The following ADD2 variants were observed in gnomAD, a reference collection of about 807,000 sequenced individuals.
ADD2 encodes adducin 2, also known as beta-adducin.
Under a neutral mutation model 83.0 loss-of-function variants are expected in ADD2, and 23 were observed. The ratio of observed to expected loss-of-function variants is 0.28; its 90% CI spans 0.20 to 0.39. The LOEUF (loss-of-function observed/expected upper bound fraction) is 0.39, where lower values mean the gene tolerates loss of function less well. Among genes scored for constraint, ADD2 ranks in the 10% least tolerant of loss-of-function variants. The probability of loss-of-function intolerance (pLI) is 1.00; values close to 1 mark genes in which losing one functional copy is unlikely to be tolerated. For missense variants in ADD2, 758 were observed against 944.9 expected, an observed-to-expected ratio of 0.80 and a Z score of 2.59; for synonymous variants, 375 against 375.4, an observed-to-expected ratio of 1.00 and a Z score of 0.01.
intron 7 of ADD2, 120 bp from the exon 8 acceptor site, chr2:70,691,049 G>A: frequency 3.1e-6 from 4 of 1,273,568 alleles, no homozygotes; most frequent in Non-Finnish European, 4.2e-6. Context: ...TGAGGGGTGA[G>A]GTTGGGGAGC....
At chr2:70,683,449 A>G in intron 10 of ADD2, 142 bp downstream of exon 10, 1 of 946,924 alleles carries the variant, frequency 1.1e-6, no homozygotes, top group Non-Finnish European at 1.6e-6. Context: ...CACATTCTAA[A>G]TCAAATTTCC....
chr2:70,716,439 C>G (rs1342026953), intron 1 of ADD2, among the ~76,000 whole-genome samples: 4 of 152,102 alleles, frequency 2.6e-5, no homozygotes, highest in Non-Finnish European at 5.9e-5. Flanking sequence ...TTTCATGTGT[C>G]CTCTCCTCTG....
intron 10 of ADD2, among the ~76,000 whole-genome samples, chr2:70,683,022 CT>C (rs35087942): frequency 0.013 from 1,660 of 124,480 alleles, 14 homozygotes; most frequent in African/African-American, 0.046. Context: ...GGAGTATGAC[CT>C]TTTTTTTTTT....
At chr2:70,696,591 T>C (rs1671326590) in intron 4 of ADD2, among the ~76,000 whole-genome samples, 195 bp from the exon 5 acceptor site, 1 of 152,190 alleles carries the variant, frequency 6.6e-6, no homozygotes, top group Admixed American at 6.5e-5. Context: ...AGTCTGCTCA[T>C]TCAGATAAAC....
intron 1 of ADD2, among the ~76,000 whole-genome samples, chr2:70,737,533 C>T (rs1208226257): frequency 7.5e-6 from 1 of 132,482 alleles, no homozygotes; most frequent in Non-Finnish European, 1.5e-5. Context: ...AATGAGAACA[C>T]TTGGACACAG....
At chr2:70,726,765 C>T (rs1673022733) in intron 1 of ADD2, among the ~76,000 whole-genome samples, 1 of 152,166 alleles carries the variant, frequency 6.6e-6, no homozygotes, top group African/African-American at 2.4e-5. Flanking sequence ...AGAGGAGAGG[C>T]CCCTGGCATG....
intron 1 of ADD2, among the ~76,000 whole-genome samples, chr2:70,765,032 G>A (rs900309166): frequency 2.0e-5 from 3 of 151,868 alleles, no homozygotes; most frequent in Admixed American, 6.6e-5. Flanking sequence ...TGTCACATTA[G>A]GAAAAAGTTC....
chr2:70,754,463 T>C (rs1674670180), intron 1 of ADD2, among the ~76,000 whole-genome samples: 1 of 151,912 alleles, frequency 6.6e-6, no homozygotes, highest in Non-Finnish European at 1.5e-5. Context: ...CTCTATCTAT[T>C]TCCACTCCTT....
At chr2:70,673,043 A>G in intron 14 of ADD2, 37 bp from the exon 15 acceptor site, 1 of 1,597,192 alleles carries the variant, frequency 6.3e-7, no homozygotes, top group Non-Finnish European at 8.5e-7. Flanking sequence ...ATAGAGGTCA[A>G]ATAGAGAAGA....
At chr2:70,665,216 G>A (rs782080139) in intron 15 of ADD2, among the ~76,000 whole-genome samples, 1 of 152,140 alleles carries the variant, frequency 6.6e-6, no homozygotes. Context: ...GTTACATGGA[G>A]GATGGGACAG....
chr2:70,767,907 A>G lies in ADD2; in HGVS notation c.-175T>C, dbSNP rs1438552552. ...TTACCTCCTGCGCGGCATCTTAGCT[A>G]TCTCCGGTCGGCCACTGCGGGTTGG... On this transcript the variant is annotated 5_prime_UTR_variant, in exon 1 of 16. Transcript: ENST00000264436. The G allele has an allele frequency of 6.5e-7, 1 of 1,535,520 alleles. No homozygotes were observed. The highest frequency in any genetic ancestry group is 2.4e-5 in the East Asian group (1 of 40,852).
chr2:70,761,731 G>A lies in ADD2; in HGVS notation c.-154+6155C>T, dbSNP rs530023661. ...CTGTTGCTCAGGCTGGAGTGCAGTGGTGCAATCTCGGCTCACTGCAAGCTC... is the reference window on the plus strand; with the variant it reads ...CTGTTGCTCAGGCTGGAGTGCAGTGATGCAATCTCGGCTCACTGCAAGCTC... On this transcript the variant is annotated intron_variant, in intron 1 of 15. Transcript: ENST00000264436. Among the ~76,000 whole-genome samples the A allele has an allele frequency of 5.3e-5, 8 of 150,508 alleles. No individual in the cohort carries two copies. The South Asian group carries it at 8.4e-4, about 16-fold the overall frequency.
At chr2:70,734,777 C>T (rs374762099) in intron 1 of ADD2, among the ~76,000 whole-genome samples, 14 of 152,288 alleles carry the variant, frequency 9.2e-5, no homozygotes, top group East Asian at 3.9e-4. Context: ...TTCCCCAAGC[C>T]GACCACCTCT....
chr2:70,720,813 A>C (rs1672697551), intron 1 of ADD2, among the ~76,000 whole-genome samples: 1 of 152,198 alleles, frequency 6.6e-6, no homozygotes, highest in Non-Finnish European at 1.5e-5. Flanking sequence ...TAGGGAATGT[A>C]AGCCAGCAGA....
rs1671930183 is a variant in ADD2, at chr2:70,706,781, T to TTGA, written c.-34-340_-34-339insTCA. Among the ~76,000 whole-genome samples the TTGA allele has an allele frequency of 6.6e-6, 1 of 152,196 alleles. No homozygotes were observed. On this transcript the variant is annotated intron_variant, in intron 2 of 15. Transcript: ENST00000264436. This position sits in a 1 kb window ranked among gnomAD's most constrained non-coding sequence, Gnocchi z 5.0. ...CAGACCTTGTTGAGCATTTCTGTGATGCACACCTATGCAGTGGTAAGCTAC... is the reference window on the plus strand; with the variant it reads ...CAGACCTTGTTGAGCATTTCTGTGATTGAGCACACCTATGCAGTGGTAAGCTAC...
chr2:70,733,020 T>G (rs1416393006), intron 1 of ADD2, among the ~76,000 whole-genome samples: 1 of 152,250 alleles, frequency 6.6e-6, no homozygotes, highest in Non-Finnish European at 1.5e-5. Context: ...ACAGCCACTC[T>G]TGGCTCATGA....
chr2:70,749,332 T>C (rs1674393934), intron 1 of ADD2, among the ~76,000 whole-genome samples: 1 of 152,078 alleles, frequency 6.6e-6, no homozygotes, highest in African/African-American at 2.4e-5. Flanking sequence ...GAGATTTGGG[T>C]GGGGACACAA....
intron 3 of ADD2, among the ~76,000 whole-genome samples, chr2:70,705,947 G>A (rs1262734039): frequency 6.6e-6 from 1 of 152,176 alleles, no homozygotes; most frequent in Non-Finnish European, 1.5e-5. Context: ...TGGGAACTGA[G>A]GCTCCGAAGG....
At chr2:70,696,152 G>A in intron 5 of ADD2, 93 bp downstream of exon 5, 2 of 1,493,142 alleles carry the variant, frequency 1.3e-6, no homozygotes, top group Admixed American at 2.0e-5. Context: ...GTCACCAGCA[G>A]TGCCATGGCC....
Sources: gnomAD v4.1 joint callset for allele counts (sites outside exome capture counted in the v4.1 genomes callset) on GRCh38, gnomAD v4.1.1 for gene constraint, Gnocchi (gnomAD v3.1) non-coding constraint, MANE v1.5 for transcripts, NCBI Gene and HGNC (gene_info 2026-07-23, HGNC 2026-07-21) for gene names.